Variants in SAMD12 observed in about 807,000 individuals in gnomAD.
SAMD12 encodes the protein sterile alpha motif domain-containing protein 12.
Under a neutral mutation model 15.0 loss-of-function variants are expected in SAMD12, and 9 were observed. That is an observed-to-expected ratio of 0.60 (90% CI 0.36 to 1.05). The LOEUF (loss-of-function observed/expected upper bound fraction) is 1.05, where lower values mean the gene tolerates loss of function less well. Ranked by LOEUF, SAMD12 falls within the 50% of genes least tolerant of loss-of-function variation. The pLI, the probability that SAMD12 is intolerant of heterozygous loss-of-function variation, is 0.01. For synonymous variants in SAMD12, 86 were observed against 90.1 expected (o/e 0.96, Z 0.25); for missense variants, 230 against 234.2 (o/e 0.98, Z 0.12).
chr8:118,540,844 C>A (rs895872822), intron 2 of SAMD12, among the ~76,000 whole-genome samples: 1 of 152,068 alleles, frequency 6.6e-6, no homozygotes, highest in Non-Finnish European at 1.5e-5. Flanking sequence ...ATTTTTTTGT[C>A]TTCATTCCTT....
intron 1 of SAMD12, among the ~76,000 whole-genome samples, chr8:118,612,838 T>C (rs1828140962): frequency 6.6e-6 from 1 of 152,252 alleles, no homozygotes; most frequent in South Asian, 2.1e-4. Context: ...AATAAACTGC[T>C]GTATAGATAT....
At chr8:118,392,292 C>T (rs959431951) in intron 3 of SAMD12, among the ~76,000 whole-genome samples, 62 of 152,096 alleles carry the variant, frequency 4.1e-4, no homozygotes, top group African/African-American at 1.5e-3. Context: ...TTAGCTGGGC[C>T]TGGTGGTGCA....
chr8:118,136,484 T>C, the SAMD12 span, among the ~76,000 whole-genome samples: 5 of 152,074 alleles, frequency 3.3e-5, no homozygotes, highest in African/African-American at 1.2e-4. Context: ...TAAATCCAGA[T>C]GCTCACCACT....
At chr8:118,547,288 T>C (rs1826158757) in intron 2 of SAMD12, among the ~76,000 whole-genome samples, 1 of 152,208 alleles carries the variant, frequency 6.6e-6, no homozygotes, top group South Asian at 2.1e-4. Flanking sequence ...TCCCTGCACC[T>C]GAATGTCCAT....
intron 4 of SAMD12, among the ~76,000 whole-genome samples, chr8:118,293,053 A>G (rs923645630): frequency 5.5e-5 from 8 of 146,226 alleles, no homozygotes; most frequent in Non-Finnish European, 1.1e-4. Flanking sequence ...AAGTATAATA[A>G]TAAAAAAACA....
At chr8:118,484,611 A>G (rs1337009541) in intron 2 of SAMD12, among the ~76,000 whole-genome samples, 1 of 152,154 alleles carries the variant, frequency 6.6e-6, no homozygotes, top group East Asian at 1.9e-4. Flanking sequence ...ATAGCTCAAA[A>G]AAGTGATTAA....
intron 4 of SAMD12, among the ~76,000 whole-genome samples, chr8:118,229,936 A>G (rs1411275450): frequency 6.6e-6 from 1 of 152,084 alleles, no homozygotes; most frequent in Non-Finnish European, 1.5e-5. Flanking sequence ...GCAGAAATAC[A>G]ACACCTCCTC....
At chr8:118,409,142 G>C (rs1180835903) in intron 3 of SAMD12, among the ~76,000 whole-genome samples, 1 of 152,050 alleles carries the variant, frequency 6.6e-6, no homozygotes, top group Non-Finnish European at 1.5e-5. Flanking sequence ...AAATGGGAAG[G>C]GTGTGGAGGG....
At position 118,378,463 on chromosome 8, in the gene SAMD12, C is replaced by A; in HGVS notation, c.*954G>T. ...ATGCAAATAATGCATATGAGACAAA[C>A]AATACTATTTTACGATCACTTGAAA... On this transcript the variant is annotated 3_prime_UTR_variant, in exon 4 of 4. Coordinates refer to ENST00000314727, the MANE Select transcript of SAMD12 (RefSeq NM_207506.3). 1 of 983,794 alleles carries A rather than the reference C, an allele frequency of 1.0e-6. No individual in the cohort carries two copies. The highest frequency in any genetic ancestry group is 1.1e-4 in the East Asian group (1 of 8,806). The allele number at this position is 983,794 out of a possible 1,614,324, so 60.9% of individuals were successfully genotyped here. A position where few individuals can be genotyped will look rare whatever the true frequency, so the allele number is the denominator to read the frequency against.
intron 4 of SAMD12, among the ~76,000 whole-genome samples, chr8:118,303,372 A>T (rs1054631455): frequency 1.1e-4 from 17 of 152,218 alleles, no homozygotes; most frequent in African/African-American, 4.1e-4. Context: ...ACAACTGTAC[A>T]TTAGGGACAG....
At chr8:118,252,833 C>T (rs2130022555) in intron 4 of SAMD12, among the ~76,000 whole-genome samples, 1 of 152,300 alleles carries the variant, frequency 6.6e-6, no homozygotes, top group South Asian at 2.1e-4. Context: ...TCTAAGTCAA[C>T]TGTGGGGGAT....
chr8:118,246,399 T>C (rs1238550774), intron 4 of SAMD12, among the ~76,000 whole-genome samples: 1 of 152,156 alleles, frequency 6.6e-6, no homozygotes, highest in Non-Finnish European at 1.5e-5. Context: ...CATCAAGATA[T>C]CAGTGAAGAA....
At chr8:118,541,580 A>G (rs1825988632) in intron 2 of SAMD12, among the ~76,000 whole-genome samples, 1 of 152,250 alleles carries the variant, frequency 6.6e-6, no homozygotes, top group Non-Finnish European at 1.5e-5. Flanking sequence ...GCTATATTCC[A>G]ATAAAACTTT....
chr8:118,467,555 C>A (rs999081667), intron 2 of SAMD12, among the ~76,000 whole-genome samples: 1 of 152,160 alleles, frequency 6.6e-6, no homozygotes, highest in Non-Finnish European at 1.5e-5. Context: ...TGGCCATGAT[C>A]TTTGCCACAA....
chr8:118,576,012 G>T (rs1427488869), intron 2 of SAMD12, among the ~76,000 whole-genome samples: 1 of 151,748 alleles, frequency 6.6e-6, no homozygotes, highest in Non-Finnish European at 1.5e-5. Context: ...TTAAATGACT[G>T]AAGTCCTTGT....
intron 2 of SAMD12, among the ~76,000 whole-genome samples, chr8:118,459,472 T>A (rs148557130): frequency 6.6e-6 from 1 of 152,226 alleles, no homozygotes; most frequent in Non-Finnish European, 1.5e-5. Context: ...ATTTTCTTCA[T>A]GTTCTACTTT....
At chr8:118,338,766 G>A (rs757041340) in intron 4 of SAMD12, among the ~76,000 whole-genome samples, 8 of 152,136 alleles carry the variant, frequency 5.3e-5, no homozygotes, top group African/African-American at 1.2e-4. Context: ...CAGCCCTGTT[G>A]CTTGGAAATT....
intron 4 of SAMD12, among the ~76,000 whole-genome samples, chr8:118,229,492 T>C (rs1812261016): frequency 6.6e-6 from 1 of 152,138 alleles, no homozygotes; most frequent in Non-Finnish European, 1.5e-5. Context: ...ATGCGCACTT[T>C]GTTTTACGTT....
rs142716565 is a variant in SAMD12 at position 118,352,879 on chromosome 8, G to C, written c.433+26681C>G. ...CAAATGACTGATAAAAAGGAACTTG[G>C]CCATATACCTCTCTCTACTCAATAT... is the stretch of plus-strand genomic sequence containing the variant. On this transcript the variant is annotated intron_variant, in intron 4 of 4. Transcript: ENST00000409003. Among the ~76,000 whole-genome samples the C allele has an allele frequency of 2.7e-3, 410 of 152,158 alleles. 1 individual carries two copies. The highest frequency in any genetic ancestry group is 4.5e-3 in the Non-Finnish European group (308 of 68,002).
Sources: allele counts gnomAD v4.1 joint callset (sites outside exome capture counted in the v4.1 genomes callset), GRCh38; gene constraint gnomAD v4.1.1; transcripts MANE v1.5; gene names NCBI Gene and HGNC (gene_info 2026-07-23, HGNC 2026-07-21).